Variants in SORCS3 observed in about 807,000 individuals in gnomAD.
SORCS3 encodes sortilin related VPS10 domain containing receptor 3.
SORCS3 carries 57 observed loss-of-function variants against 146.3 expected under a neutral mutation model. The ratio of observed to expected loss-of-function variants is 0.39; its 90% confidence interval spans 0.31 to 0.49. SORCS3 has a LOEUF of 0.49. SORCS3 is among the 20% of genes least tolerant of loss of function. The pLI is 0.92. For missense variants in SORCS3, 1,341 were observed against 1,575.5 expected (o/e 0.85, Z 2.52); for synonymous variants, 653 against 618.5 (o/e 1.06, Z -0.83).
At chr10:104,917,625 A>G (rs908518162) in intron 3 of SORCS3, among the ~76,000 whole-genome samples, 8 of 152,156 alleles carry the variant, frequency 5.3e-5, no homozygotes, top group African/African-American at 1.7e-4. Context: ...TTTTTGACCA[A>G]TGTCTCCCAA....
intron 1 of SORCS3, among the ~76,000 whole-genome samples, chr10:104,743,707 C>G (rs1314525810): frequency 6.6e-6 from 1 of 152,154 alleles, no homozygotes; most frequent in Admixed American, 6.5e-5. Context: ...GTTCTTGTCT[C>G]CATATTCTCC....
chr10:104,711,274 C>T (rs2016413128), intron 1 of SORCS3, among the ~76,000 whole-genome samples: 1 of 152,156 alleles, frequency 6.6e-6, no homozygotes, highest in Admixed American at 6.5e-5. Flanking sequence ...CCCAGGGTTG[C>T]ACACTGACAT....
At chr10:105,142,920 T>A (rs1043472134) in intron 8 of SORCS3, among the ~76,000 whole-genome samples, 1 of 152,194 alleles carries the variant, frequency 6.6e-6, no homozygotes, top group African/African-American at 2.4e-5. Context: ...ATAACAATGA[T>A]ATTAACCTTT....
intron 4 of SORCS3, among the ~76,000 whole-genome samples, chr10:104,984,721 G>T (rs1168630819): frequency 6.6e-6 from 1 of 152,090 alleles, no homozygotes; most frequent in Non-Finnish European, 1.5e-5. Context: ...TGGAGATATT[G>T]TGGGTTCAGT....
At chr10:105,179,313 A>C (rs542401664) in intron 14 of SORCS3, among the ~76,000 whole-genome samples, 1 of 152,092 alleles carries the variant, frequency 6.6e-6, no homozygotes, top group Non-Finnish European at 1.5e-5. Context: ...AATGGTAATA[A>C]TTTTTTTCTC....
intron 1 of SORCS3, among the ~76,000 whole-genome samples, chr10:104,696,142 TATATATAATATATATACACATATA>T (rs2016181341): frequency 4.2e-5 from 4 of 95,380 alleles, no homozygotes; most frequent in South Asian, 5.4e-4. Context: ...ATACACATAT[TATATATAATATATATACACATATA>T]ATATATAATA....
intron 16 of SORCS3, among the ~76,000 whole-genome samples, chr10:105,209,848 G>A (rs1388931316): frequency 4.6e-5 from 7 of 152,194 alleles, no homozygotes; most frequent in Non-Finnish European, 7.4e-5. Flanking sequence ...TATTGTGTAC[G>A]ATCTCATTAA....
chr10:104,756,474 AAG>A (rs1252798972), intron 1 of SORCS3, among the ~76,000 whole-genome samples: 1 of 152,150 alleles, frequency 6.6e-6, no homozygotes, highest in Non-Finnish European at 1.5e-5. Flanking sequence ...GGAGAGCTCA[AAG>A]AGTTCAGCAG....
chr10:104,655,298 G>T (rs1184859773), intron 1 of SORCS3, among the ~76,000 whole-genome samples: 1 of 151,804 alleles, frequency 6.6e-6, no homozygotes, highest in Non-Finnish European at 1.5e-5. Flanking sequence ...AGCTTCGGGG[G>T]TACATGTGAA....
intron 1 of SORCS3, among the ~76,000 whole-genome samples, chr10:104,696,243 C>CAT (rs1446476899): frequency 1.7e-5 from 2 of 114,872 alleles, no homozygotes; most frequent in Non-Finnish European, 3.3e-5. Context: ...ATCATATACA[C>CAT]ATATGATATA....
chr10:104,707,162 T>C (rs1323805650), intron 1 of SORCS3, among the ~76,000 whole-genome samples: 1 of 152,218 alleles, frequency 6.6e-6, no homozygotes, highest in Non-Finnish European at 1.5e-5. Flanking sequence ...GCACGTTTCC[T>C]AGTTTCAAAT....
At chr10:105,098,963 G>A (rs2055765416) in intron 6 of SORCS3, among the ~76,000 whole-genome samples, 1 of 152,192 alleles carries the variant, frequency 6.6e-6, no homozygotes. Flanking sequence ...TTCTCCTATG[G>A]GAGATGAGAA....
chr10:104,747,630 G>A (rs941733096), intron 1 of SORCS3, among the ~76,000 whole-genome samples: 2 of 152,164 alleles, frequency 1.3e-5, no homozygotes, highest in African/African-American at 2.4e-5. Flanking sequence ...TTTGATTATC[G>A]AATGCCTGCT....
Position 104,888,368 on chromosome 10 carries a change from C to T in SORCS3, c.696-27465C>T, listed in dbSNP as rs149229819. Among the ~76,000 whole-genome samples the T allele has an allele frequency of 7.2e-3, 1,098 of 152,314 alleles. 11 individuals carry two copies. Among genetic ancestry groups the T allele is most frequent in the African/African-American group, 0.025 (1,058 of 41,556 alleles). On this transcript the variant is annotated intron_variant, in intron 2 of 26. Transcript: ENST00000369701. The stretch of plus-strand genomic sequence containing the variant: ...CTGGCCGATCCAAGAAATTGGGCTT[C>T]ATTCTATTTTCCTGTTAAGGATCAG...
intron 11 of SORCS3, among the ~76,000 whole-genome samples, chr10:105,160,133 C>T (rs1007144830): frequency 2.6e-5 from 4 of 152,102 alleles, no homozygotes; most frequent in African/African-American, 7.2e-5. Flanking sequence ...TCAAGACCTA[C>T]AGGAGGTCTG....
At chr10:104,860,512 A>G (rs1055247555) in intron 2 of SORCS3, among the ~76,000 whole-genome samples, 2 of 150,306 alleles carry the variant, frequency 1.3e-5, no homozygotes, top group East Asian at 2.0e-4. Flanking sequence ...TGGCACATGT[A>G]TACACATGTA....
intron 16 of SORCS3, among the ~76,000 whole-genome samples, chr10:105,204,572 G>A (rs958334656): frequency 6.6e-6 from 1 of 151,806 alleles, no homozygotes; most frequent in Non-Finnish European, 1.5e-5. Context: ...TATATAATGT[G>A]GTGTATGTTT....
chr10:105,258,669 C>T (rs1396784001), intron 25 of SORCS3, among the ~76,000 whole-genome samples: 1 of 152,196 alleles, frequency 6.6e-6, no homozygotes, highest in African/African-American at 2.4e-5. Flanking sequence ...TGCTGTTAAA[C>T]TCCTTAGACG....
intron 7 of SORCS3, among the ~76,000 whole-genome samples, chr10:105,120,449 A>G (rs1051445797): frequency 6.6e-6 from 1 of 152,150 alleles, no homozygotes; most frequent in Admixed American, 6.5e-5. Flanking sequence ...GCAAATGCCA[A>G]TGACCCCAAT....
Sources: gnomAD v4.1 joint callset for allele counts (sites outside exome capture counted in the v4.1 genomes callset) on GRCh38, gnomAD v4.1.1 for gene constraint, MANE v1.5 for transcripts, NCBI Gene and HGNC (gene_info 2026-07-23, HGNC 2026-07-21) for gene names.